The following SCN3B variants were observed in gnomAD, a reference collection of about 807,000 sequenced individuals.
SCN3B encodes the protein sodium voltage-gated channel beta subunit 3, also known as sodium channel regulatory subunit beta-3.
SCN3B carries 11 observed loss-of-function variants against 25.4 expected under a neutral mutation model. The observed-to-expected ratio is 0.43, with a 90% CI of 0.27 to 0.72. SCN3B has a LOEUF of 0.72. Among genes scored for constraint, SCN3B ranks in the 30% least tolerant of loss-of-function variants. The pLI is 0.18. For missense variants in SCN3B, 218 were observed against 278.3 expected, an observed-to-expected ratio of 0.78 and a Z score of 1.54; for synonymous variants, 109 against 110.7, an observed-to-expected ratio of 0.99 and a Z score of 0.09.
At chr11:123,649,682 T>C (rs1357247557) in intron 2 of SCN3B, among the ~76,000 whole-genome samples, 6 of 151,284 alleles carry the variant, frequency 4.0e-5, no homozygotes, top group Non-Finnish European at 8.8e-5. Flanking sequence ...TTTTCCTCTC[T>C]CTCTCTCTGT....
chr11:123,641,394 A>T (rs1955788688), intron 4 of SCN3B, among the ~76,000 whole-genome samples: 1 of 152,182 alleles, frequency 6.6e-6, no homozygotes, highest in South Asian at 2.1e-4. Context: ...TCCTTTGTTC[A>T]TTCACTCTGA....
In SCN3B at chr11:123,629,951, TC is replaced by T. The variant is rs988142774; in HGVS notation, c.*3847del. The stretch of plus-strand genomic sequence containing the variant: ...GCAAAGATGCAGTGACACAGCCTTT[TC>T]CCTCAGATTTATGTGAGGAGGACTC... On this transcript the variant is annotated 3_prime_UTR_variant, in exon 7 of 7. Transcript: ENST00000299333. 1.3e-5 allele frequency: 2 copies of T among 152,216 alleles called. No individual in the cohort carries two copies. The highest frequency in any genetic ancestry group is 2.9e-5 in the Non-Finnish European group (2 of 68,038). The allele number at this position is 152,216 out of a possible 1,614,324, so 9.4% of individuals were successfully genotyped here.
rs116534213 is a variant in SCN3B at position 123,643,625 on chromosome 11, C to T, written c.220-954G>A. Among the ~76,000 whole-genome samples, 197 of 152,384 alleles carry T rather than the reference C, an allele frequency of 1.3e-3. 1 individual carries two copies. The highest frequency in any genetic ancestry group is 3.8e-3 in the African/African-American group (156 of 41,594). ...AAGGTTTCCACCATCACAAACATTT[C>T]TATGAGACAGCCTTGCTGTGGATTT... On this transcript the variant is annotated intron_variant, in intron 3 of 6. Transcript: ENST00000299333.
chr11:123,637,512 T>C (rs1955742552), intron 5 of SCN3B, among the ~76,000 whole-genome samples: 1 of 152,104 alleles, frequency 6.6e-6, no homozygotes, highest in Non-Finnish European at 1.5e-5. Flanking sequence ...GTTACTTTTT[T>C]GTTGTGTTTT....
intron 4 of SCN3B, chr11:123,640,968 C>T (rs1386654676): frequency 1.3e-5 from 2 of 152,262 alleles, no homozygotes; most frequent in African/African-American, 4.8e-5. Flanking sequence ...TTACCCGAGG[C>T]TTGCTCTGGT....
In SCN3B at chr11:123,653,831, A is replaced by G. The variant is rs1332850132; in HGVS notation, c.-25-5T>C. The G allele has an allele frequency of 1.9e-6, 3 of 1,613,106 alleles. No individual in the cohort carries two copies. The highest frequency in any genetic ancestry group is 2.2e-5 in the East Asian group (1 of 44,878). On this transcript the variant is annotated splice_region_variant and splice_polypyrimidine_tract_variant and intron_variant, in intron 1 of 6. Transcript: ENST00000299333. Reference sequence around the variant, plus strand: ...TGGGGCTGGCGGCTTCCAAGGCTACACAGAGAGATTCCCTCGGTCAAGGAC... The same window carrying G: ...TGGGGCTGGCGGCTTCCAAGGCTACGCAGAGAGATTCCCTCGGTCAAGGAC...
Position 123,634,155 on chromosome 11 carries a change from T to C in SCN3B, c.636A>G (p.Pro212=). 6.2e-7 allele frequency: 1 copy of C among 1,613,870 alleles called. No individual in the cohort carries two copies. The highest frequency in any genetic ancestry group is 8.5e-7 in the Non-Finnish European group (1 of 1,179,848). ...PSENKENSAV[P]VEE is the part of the protein sequence containing the mutation. ...CACTGCTCCTGTTCTATTCCTCCACTGGTACCGCAGAGTTCTCCTTGTTCT... is the reference window on the plus strand; with the variant it reads ...CACTGCTCCTGTTCTATTCCTCCACCGGTACCGCAGAGTTCTCCTTGTTCT... Residue 212 remains proline (P), a synonymous_variant, in exon 6 of 7, where the codon CCA becomes CCG. Coordinates refer to ENST00000299333, the MANE Select transcript of SCN3B (RefSeq NM_001040151.2).
At position 123,653,740 on chromosome 11, in the gene SCN3B, T is replaced by C. The variant is rs1057522984; in HGVS notation, c.55+7A>G. 3.1e-6 allele frequency: 5 copies of C among 1,614,060 alleles called. No homozygotes were observed. The highest frequency in any genetic ancestry group is 4.2e-6 in the Non-Finnish European group (5 of 1,180,000). Reference sequence around the variant, plus strand: ...TGCATCCGGCATGGCGAGGTGCTGGTACTTACCCCAGTAGATAAGCACGAG... The same window carrying C: ...TGCATCCGGCATGGCGAGGTGCTGGCACTTACCCCAGTAGATAAGCACGAG... On this transcript the variant is annotated splice_region_variant and intron_variant, in intron 2 of 6. Transcript: ENST00000299333.
At chr11:123,646,904 C>T (rs375849199) in intron 2 of SCN3B, among the ~76,000 whole-genome samples, 2 of 151,952 alleles carry the variant, frequency 1.3e-5, no homozygotes, top group Non-Finnish European at 2.9e-5. Flanking sequence ...AGAGTGCATG[C>T]CCAGAGGTGA....
Position 123,644,712 on chromosome 11 carries a change from A to G in SCN3B, c.219+875T>C, listed in dbSNP as rs547915047. Among the ~76,000 whole-genome samples the G allele has an allele frequency of 8.0e-4, 120 of 150,152 alleles. 1 individual carries two copies. In the South Asian group the frequency reaches 0.024, roughly 30 times the overall value. On this transcript the variant is annotated intron_variant, in intron 3 of 6. Transcript: ENST00000299333. ...CTTGAATCTGGGAGGTGGAGGTTAC[A>G]GTAAGCGAGATCACACCACTGCACT...
chr11:123,645,895 T>C (rs1955848632), intron 2 of SCN3B, 145 bp from the exon 3 acceptor site: 9 of 747,388 alleles, frequency 1.2e-5, no homozygotes, highest in Non-Finnish European at 2.0e-5. Flanking sequence ...CACGTGCACA[T>C]GTCTACACCT....
At chr11:123,639,281 C>T (rs763175537) in intron 4 of SCN3B, 7 of 152,282 alleles carry the variant, frequency 4.6e-5, no homozygotes, top group Non-Finnish European at 1.0e-4. Flanking sequence ...TTTGCAGTCT[C>T]GCAGTAGTTC....
In SCN3B at chr11:123,634,179, C is replaced by T; in HGVS notation, c.612G>A (p.Glu204=). Reference sequence around the variant, plus strand: ...CTGGTACCGCAGAGTTCTCCTTGTTCTCAGATGGGATGGCAAGGTAGTCAG... The same window carrying T: ...CTGGTACCGCAGAGTTCTCCTTGTTTTCAGATGGGATGGCAAGGTAGTCAG... ...NASDYLAIPS[E]NKENSAVPVE... is the part of the protein sequence containing the mutation. The change falls in exon 6 of 7, where the codon GAG becomes GAA. Residue 204 remains glutamate, a synonymous_variant. Transcript: ENST00000299333. The T allele has an allele frequency of 6.2e-7, 1 of 1,613,812 alleles. No homozygotes were observed. The highest frequency in any genetic ancestry group is 8.5e-7 in the Non-Finnish European group (1 of 1,179,886).
chr11:123,643,728 G>A (rs1020030297), intron 3 of SCN3B, among the ~76,000 whole-genome samples: 1 of 152,134 alleles, frequency 6.6e-6, no homozygotes, highest in African/African-American at 2.4e-5. Flanking sequence ...CTTTGGGCAG[G>A]CCTGGAAGCA....
intron 2 of SCN3B, 25 bp downstream of exon 2, chr11:123,653,722 G>A (rs1440563899): frequency 6.2e-7 from 1 of 1,612,260 alleles, no homozygotes. Flanking sequence ...ACCTGCATCC[G>A]GCATGGCGAG....
intron 5 of SCN3B, among the ~76,000 whole-genome samples, chr11:123,636,069 C>T (rs186194396): frequency 3.3e-5 from 5 of 152,282 alleles, no homozygotes; most frequent in African/African-American, 9.6e-5. Context: ...TACTCTCCAT[C>T]TAGTTACGTT....
chr11:123,644,798 AGAATATATATATAT>A (rs1267743132), intron 3 of SCN3B, among the ~76,000 whole-genome samples: 3 of 36,284 alleles, frequency 8.3e-5, no homozygotes, highest in African/African-American at 3.9e-4. Context: ...AGAGAGAGAG[AGAATATATATATAT>A]ATATATATAT....
In SCN3B at chr11:123,653,767, G is replaced by T; in HGVS notation, c.35C>A (p.Ser12Tyr). 1.2e-6 allele frequency: 2 copies of T among 1,614,262 alleles called. No homozygotes were observed. Among genetic ancestry groups the T allele is most frequent in the East Asian group, 2.2e-5 (1 of 44,886 alleles). Reference sequence around the variant, plus strand: ...CTTACCCCAGTAGATAAGCACGAGAGAAGCCAGGGGAAACAATCTATTGAA... The same window carrying T: ...CTTACCCCAGTAGATAAGCACGAGATAAGCCAGGGGAAACAATCTATTGAA... ...PAFNRLFPLA[S>Y]LVLIYWVSVC... Residue 12 changes from serine to tyrosine, a missense_variant, in exon 2 of 7, where the codon TCT (serine) becomes TAT (tyrosine). Ser to Tyr is a moderately radical substitution (Grantham distance 144). Transcript: ENST00000299333.
chr11:123,641,338 C>T (rs899560620), intron 4 of SCN3B, among the ~76,000 whole-genome samples: 18 of 152,202 alleles, frequency 1.2e-4, no homozygotes, highest in African/African-American at 4.1e-4. Context: ...CAGAATTGAC[C>T]TACCTTCCAT....
Sources: allele counts gnomAD v4.1 joint callset (sites outside exome capture counted in the v4.1 genomes callset), GRCh38; gene constraint gnomAD v4.1.1; transcripts MANE v1.5; gene names NCBI Gene and HGNC (gene_info 2026-07-23, HGNC 2026-07-21).